CADM2: variants seen among roughly 807,000 people sequenced by gnomAD.
CADM2 encodes the protein cell adhesion molecule 2.
A neutral mutation model predicts 49.8 loss-of-function variants in CADM2; 12 were observed. The ratio of observed to expected loss-of-function variants is 0.24; its 90% CI spans 0.15 to 0.39. CADM2 has a LOEUF of 0.39. CADM2 is among the 10% of genes least tolerant of loss of function. The pLI is 1.00. For missense variants in CADM2, 378 were observed against 492.3 expected (o/e 0.77, Z 2.20); for synonymous variants, 214 against 175.4 (o/e 1.22, Z -1.74).
In CADM2 at chr3:85,159,271, AG is replaced by A. The variant is rs368291065; in HGVS notation, c.61+199607del. On this transcript the variant is annotated intron_variant, in intron 1 of 9. Transcript: ENST00000383699. ...TAACATACTAATACATCAAAACCAC[AG>A]GGGTTGCAGGAGAGAACGAGTTTAA... Among the ~76,000 whole-genome samples, 25 of 150,098 alleles carry A rather than the reference AG, an allele frequency of 1.7e-4. No individual in the cohort carries two copies. In the East Asian group the frequency reaches 3.5e-3, roughly 21 times the overall value.
chr3:85,144,103 CGTT>C (rs2039657444), intron 1 of CADM2, among the ~76,000 whole-genome samples: 3 of 152,218 alleles, frequency 2.0e-5, no homozygotes, highest in Admixed American at 6.5e-5. Context: ...GCACCAAAAA[CGTT>C]GTAGGCTCTT....
intron 1 of CADM2, among the ~76,000 whole-genome samples, chr3:85,459,921 C>T (rs2038163337): frequency 6.6e-6 from 1 of 152,088 alleles, no homozygotes; most frequent in Admixed American, 6.6e-5. Context: ...TGCATTGTTT[C>T]ATCTCTTTAT....
At chr3:85,285,150 A>T (rs2043602807) in intron 1 of CADM2, among the ~76,000 whole-genome samples, 1 of 152,132 alleles carries the variant, frequency 6.6e-6, no homozygotes, top group African/African-American at 2.4e-5. Context: ...TGGCAATTGG[A>T]AAATTAGGAT....
chr3:85,897,946 G>C (rs1407386875), intron 5 of CADM2, among the ~76,000 whole-genome samples: 1 of 152,072 alleles, frequency 6.6e-6, no homozygotes, highest in African/African-American at 2.4e-5. Flanking sequence ...CCATAGATCT[G>C]TTATTTTTAT....
intron 8 of CADM2, 59 bp downstream of exon 8, chr3:85,961,706 AAAT>A: frequency 7.7e-7 from 1 of 1,303,048 alleles, no homozygotes; most frequent in Non-Finnish European, 1.0e-6. Context: ...AAAACTATTT[AAAT>A]ATATCAGAAT....
At chr3:86,010,904 G>A (rs1241542597) in intron 8 of CADM2, among the ~76,000 whole-genome samples, 1 of 151,550 alleles carries the variant, frequency 6.6e-6, no homozygotes, top group Non-Finnish European at 1.5e-5. Context: ...TATAACTCTA[G>A]GCATAGATAT....
intron 2 of CADM2, among the ~76,000 whole-genome samples, chr3:85,748,910 C>T (rs2068743456): frequency 2.0e-5 from 3 of 152,014 alleles, no homozygotes; most frequent in Admixed American, 2.0e-4. Flanking sequence ...CAGCTCAAGA[C>T]ATGCTGTAAA....
At chr3:85,904,913 C>T (rs1716589162) in intron 5 of CADM2, among the ~76,000 whole-genome samples, 1 of 151,992 alleles carries the variant, frequency 6.6e-6, no homozygotes, top group South Asian at 2.1e-4. Flanking sequence ...TTTTTTGCCT[C>T]TATAGGAGAT....
rs1231728408 is a variant in CADM2 at position 85,547,199 on chromosome 3, C to T, written c.62-179323C>T. Reference sequence around the variant, plus strand: ...CTGCATTTTTTCAGGCTGGTGATAGCAGATCTGTAATATAATATCTAACAA... The same window carrying T: ...CTGCATTTTTTCAGGCTGGTGATAGTAGATCTGTAATATAATATCTAACAA... On this transcript the variant is annotated intron_variant, in intron 1 of 9. Coordinates refer to ENST00000383699, the MANE Select transcript of CADM2 (RefSeq NM_001167675.2). Among the ~76,000 whole-genome samples the T allele has an allele frequency of 3.9e-5, 6 of 152,030 alleles. No individual in the cohort carries two copies. In the South Asian group the frequency reaches 1.0e-3, roughly 26 times the overall value.
At chr3:85,985,522 C>A (rs919229686) in intron 8 of CADM2, among the ~76,000 whole-genome samples, 1 of 151,926 alleles carries the variant, frequency 6.6e-6, no homozygotes, top group African/African-American at 2.4e-5. Context: ...TAAAATGATT[C>A]TCGAAGAATA....
chr3:85,643,875 T>G (rs2064807280), intron 1 of CADM2, among the ~76,000 whole-genome samples: 1 of 152,144 alleles, frequency 6.6e-6, no homozygotes, highest in Admixed American at 6.5e-5. Context: ...CCTACCCTCA[T>G]TATATTCTTA....
intron 1 of CADM2, among the ~76,000 whole-genome samples, chr3:85,689,884 G>A (rs2066330806): frequency 6.6e-6 from 1 of 152,122 alleles, no homozygotes; most frequent in Admixed American, 6.5e-5. Context: ...AGTTTTTTAT[G>A]GAGTAGTAAG....
chr3:85,193,221 A>G (rs1213536519), intron 1 of CADM2, among the ~76,000 whole-genome samples: 1 of 152,088 alleles, frequency 6.6e-6, no homozygotes, highest in Non-Finnish European at 1.5e-5. Flanking sequence ...GTCTGACTTC[A>G]TTTTTAACTG....
chr3:85,091,519 A>G (rs936796853), intron 1 of CADM2, among the ~76,000 whole-genome samples: 2 of 152,202 alleles, frequency 1.3e-5, no homozygotes, highest in Non-Finnish European at 2.9e-5. Flanking sequence ...ATCTGAAGAT[A>G]CTGAAAATAA....
chr3:85,581,604 T>G (rs903468171), intron 1 of CADM2, among the ~76,000 whole-genome samples: 1 of 152,140 alleles, frequency 6.6e-6, no homozygotes, highest in Non-Finnish European at 1.5e-5. Flanking sequence ...TAAACTACCT[T>G]TAATTTAAGA....
chr3:85,802,093 AGG>A lies in CADM2; in HGVS notation c.136_137del (p.Gly46TrpfsTer10). On this transcript the variant is annotated frameshift_variant, in exon 3 of 10. Transcript: ENST00000383699. LOFTEE classifies it high-confidence loss of function. ...PLTQNVTVVE[G>X]GTAILTCRVD... ...TAACACAGAATGTAACCGTTGTTGA[AGG>A]TGGAACTGCAATTTTGACCTGCAGG... The A allele has an allele frequency of 6.2e-7, 1 of 1,613,178 alleles. No individual in the cohort carries two copies. Among genetic ancestry groups the A allele is most frequent in the Non-Finnish European group, 8.5e-7 (1 of 1,179,462 alleles).
chr3:85,095,661 C>G lies in CADM2; in HGVS notation c.61+135993C>G, dbSNP rs140160884. 8.9e-3 allele frequency among the ~76,000 whole-genome samples: 1,360 copies of G among 152,188 alleles called. 2 individuals are homozygous for G. Among genetic ancestry groups the G allele is most frequent in the Middle Eastern group, 0.014 (4 of 294 alleles). On this transcript the variant is annotated intron_variant, in intron 1 of 9. Transcript: ENST00000383699. ...ATACATATTAGTATACAACTAATAACCTAAGGCTTCTTTGGCCCAAACATT... is the reference window on the plus strand; with the variant it reads ...ATACATATTAGTATACAACTAATAAGCTAAGGCTTCTTTGGCCCAAACATT...
chr3:85,541,756 T>A (rs1218910098), intron 1 of CADM2, among the ~76,000 whole-genome samples: 3 of 27,852 alleles, frequency 1.1e-4, no homozygotes, highest in Non-Finnish European at 3.9e-4. Context: ...TTATATATTT[T>A]ATATATATAT....
intron 3 of CADM2, among the ~76,000 whole-genome samples, chr3:85,835,596 G>A (rs557689733): frequency 1.3e-5 from 2 of 150,764 alleles, no homozygotes; most frequent in South Asian, 2.1e-4. Flanking sequence ...TTTTCCTAAA[G>A]AGCCCCATGT....
Sources: allele counts gnomAD v4.1 joint callset (sites outside exome capture counted in the v4.1 genomes callset), GRCh38; gene constraint gnomAD v4.1.1; transcripts MANE v1.5; gene names NCBI Gene and HGNC (gene_info 2026-07-23, HGNC 2026-07-21).